ABCA13: variants seen among roughly 807,000 people sequenced by gnomAD.
The protein encoded by ABCA13 is ATP-binding cassette sub-family A member 13.
Under a neutral mutation model 478.7 loss-of-function variants are expected in ABCA13, and 476 were observed. That is an observed-to-expected ratio of 0.99 (90% confidence interval 0.92 to 1.07). ABCA13 has a LOEUF of 1.07. ABCA13 is among the 50% of genes least tolerant of loss of function. ABCA13 has a pLI of 0.00. For missense variants in ABCA13, 6,060 were observed against 5,910.6 expected (o/e 1.03, Z -0.83); for synonymous variants, 2,252 against 2,158.9 (o/e 1.04, Z -1.20).
chr7:48,295,290 C>G (rs1339529744), intron 20 of ABCA13, among the ~76,000 whole-genome samples: 2 of 152,226 alleles, frequency 1.3e-5, no homozygotes, highest in Non-Finnish European at 2.9e-5. Flanking sequence ...TGAAATTGAG[C>G]ACCTTTTCTT....
At chr7:48,555,771 T>G (rs1195931777) in intron 55 of ABCA13, among the ~76,000 whole-genome samples, 1 of 151,760 alleles carries the variant, frequency 6.6e-6, no homozygotes, top group Non-Finnish European at 1.5e-5. Context: ...AAATTTTTAT[T>G]TTATTGATCG....
chr7:48,542,758 T>G (rs1012891277), intron 55 of ABCA13, among the ~76,000 whole-genome samples: 10 of 151,716 alleles, frequency 6.6e-5, no homozygotes, highest in African/African-American at 1.9e-4. Context: ...CTAGCAAGTT[T>G]TATAGATTTA....
Position 48,276,369 on chromosome 7 carries a change from A to G in ABCA13, c.6703A>G (p.Met2235Val). Reference sequence around the variant, plus strand: ...CTTAAATGATACTGACCTTCAAATAATGAATTTCATTAACCTTATCTTGAA... The same window carrying G: ...CTTAAATGATACTGACCTTCAAATAGTGAATTTCATTAACCTTATCTTGAA... ...WNLNDTDLQI[M>V]NFINLILNHM... The change falls in exon 17 of 62, where the codon ATG becomes GTG. Residue 2235 changes from methionine to valine, a missense_variant. Physicochemically the swap from Met to Val is conservative, Grantham distance 21 (BLOSUM62 1). Around this residue, in one of 3 missense-constraint regions of ABCA13, gnomAD observed 4,423 missense variants for 4,309.1 expected, o/e 1.03. Coordinates refer to ENST00000435803, the MANE Select transcript of ABCA13 (RefSeq NM_152701.5). 1 of 1,547,748 alleles carries G rather than the reference A, an allele frequency of 6.5e-7. No homozygotes were observed.
chr7:48,208,513 A>AT (rs371898497), intron 3 of ABCA13, among the ~76,000 whole-genome samples: 9 of 151,486 alleles, frequency 5.9e-5, no homozygotes, highest in African/African-American at 1.7e-4. Context: ...CATTGCAAGG[A>AT]TTTTTTGCTT....
chr7:48,432,523 T>C (rs1419727786), intron 42 of ABCA13, among the ~76,000 whole-genome samples: 2 of 152,282 alleles, frequency 1.3e-5, no homozygotes, highest in East Asian at 3.9e-4. Flanking sequence ...TACACTCTAA[T>C]GTTTATTGCA....
intron 31 of ABCA13, among the ~76,000 whole-genome samples, chr7:48,356,363 T>A (rs1809915550): frequency 1.3e-5 from 2 of 151,444 alleles, no homozygotes; most frequent in African/African-American, 2.4e-5. Flanking sequence ...GGAGGTGACT[T>A]CTTCTTCTTC....
intron 31 of ABCA13, 139 bp downstream of exon 31, chr7:48,352,626 A>G: frequency 1.0e-6 from 1 of 986,304 alleles, no homozygotes; most frequent in Non-Finnish European, 1.4e-6. Flanking sequence ...TTAATTTCGT[A>G]AGGTTCATTT....
At chr7:48,542,572 A>G (rs1834011327) in intron 55 of ABCA13, among the ~76,000 whole-genome samples, 1 of 151,778 alleles carries the variant, frequency 6.6e-6, no homozygotes, top group South Asian at 2.1e-4. Context: ...TATAATATGA[A>G]AAACAATTAC....
intron 39 of ABCA13, among the ~76,000 whole-genome samples, chr7:48,406,782 A>G (rs1233766657): frequency 1.3e-5 from 2 of 152,194 alleles, no homozygotes; most frequent in East Asian, 1.9e-4. Flanking sequence ...CTGAGGCAGG[A>G]GAATCACTTG....
chr7:48,315,063 G>C (rs979486609), intron 26 of ABCA13, among the ~76,000 whole-genome samples: 1 of 152,172 alleles, frequency 6.6e-6, no homozygotes, highest in Non-Finnish European at 1.5e-5. Flanking sequence ...TCCATCAGTT[G>C]TGCATTTTTG....
chr7:48,341,869 A>ATATCTTTCTGATATATATATC lies in ABCA13; in HGVS notation c.10204+3434_10204+3435insCTATCTTTCTGATATATATAT, dbSNP rs1339773058. ...ATATATCTTTCTGATATATATATATATATCTTTCTGATATATATATATATA... is the reference window on the plus strand; with the variant it reads ...ATATATCTTTCTGATATATATATATATATCTTTCTGATATATATATCTATCTTTCTGATATATATATATATA... On this transcript the variant is annotated intron_variant, in intron 29 of 61. Transcript: ENST00000435803. Among the ~76,000 whole-genome samples the ATATCTTTCTGATATATATATC allele has an allele frequency of 2.8e-4, 39 of 141,072 alleles. 4 individuals are homozygous for ATATCTTTCTGATATATATATC. The highest frequency in any genetic ancestry group is 8.2e-4 in the African/African-American group (32 of 38,926). 92.5% of individuals were successfully genotyped at this position (141,072 alleles called of 152,430 possible).
intron 3 of ABCA13, among the ~76,000 whole-genome samples, chr7:48,204,058 C>T (rs1163957187): frequency 1.3e-5 from 2 of 152,020 alleles, no homozygotes; most frequent in African/African-American, 4.8e-5. Flanking sequence ...TTGATTATCA[C>T]CTGCTGCTGC....
Position 48,272,339 on chromosome 7 carries a change from T to C in ABCA13, c.2673T>C (p.Phe891=). ...AATCACCAGCTATGAACATAGATTTTGTACGTTTAAGTGAGGCTATAATAA... is the reference window on the plus strand; with the variant it reads ...AATCACCAGCTATGAACATAGATTTCGTACGTTTAAGTGAGGCTATAATAA... ...WPKSPAMNID[F]VRLSEAIITS... The change falls in exon 17 of 62, where the codon TTT becomes TTC. Residue 891 remains phenylalanine, a synonymous_variant. Coordinates refer to ENST00000435803, the MANE Select transcript of ABCA13 (RefSeq NM_152701.5). The C allele has an allele frequency of 6.2e-7, 1 of 1,613,796 alleles. No individual in the cohort carries two copies. The highest frequency in any genetic ancestry group is 8.5e-7 in the Non-Finnish European group (1 of 1,179,760).
intron 40 of ABCA13, among the ~76,000 whole-genome samples, chr7:48,411,028 TTTC>T (rs1819014910): frequency 8.5e-6 from 1 of 117,426 alleles, no homozygotes; most frequent in African/African-American, 3.2e-5. Flanking sequence ...TCTTTCTTTC[TTTC>T]TTTCTTTCTT....
intron 55 of ABCA13, among the ~76,000 whole-genome samples, chr7:48,554,164 A>T (rs1785565228): frequency 2.0e-5 from 3 of 151,876 alleles, no homozygotes; most frequent in Admixed American, 6.6e-5. Flanking sequence ...TGGGATTTCT[A>T]TTCTGTCGCA....
At chr7:48,277,183 GCTGAGTAAGT>G (rs1796408489) in intron 17 of ABCA13, among the ~76,000 whole-genome samples, 1 of 152,166 alleles carries the variant, frequency 6.6e-6, no homozygotes, top group East Asian at 1.9e-4. Flanking sequence ...TTGGGGGCTG[GCTGAGTAAGT>G]CTGCAATCAG....
chr7:48,544,342 T>G (rs1442938699), intron 55 of ABCA13, among the ~76,000 whole-genome samples: 1 of 151,782 alleles, frequency 6.6e-6, no homozygotes, highest in Non-Finnish European at 1.5e-5. Flanking sequence ...GCTAATGATT[T>G]ATGGCGCTGG....
intron 59 of ABCA13, among the ~76,000 whole-genome samples, chr7:48,635,923 A>T (rs1251379853): frequency 6.6e-6 from 1 of 152,214 alleles, no homozygotes; most frequent in Admixed American, 6.5e-5. Flanking sequence ...AGTTTTCAGC[A>T]GTCTTACTGG....
Position 48,638,537 on chromosome 7 carries a change from G to A in ABCA13, c.14838-4751G>A, listed in dbSNP as rs6969077. On this transcript the variant is annotated intron_variant, in intron 59 of 61. Transcript: ENST00000435803. ...CACTGTTTTGTTGTTGTTGTTATTTGTCAAAGGCTCTCTTTATGTTAATAC... is the reference window on the plus strand; with the variant it reads ...CACTGTTTTGTTGTTGTTGTTATTTATCAAAGGCTCTCTTTATGTTAATAC... 7.1e-3 allele frequency among the ~76,000 whole-genome samples: 1,078 copies of A among 152,256 alleles called. 13 individuals carry two copies. The highest frequency in any genetic ancestry group is 0.024 in the African/African-American group (997 of 41,556).
Sources: gnomAD v4.1 joint callset for allele counts (sites outside exome capture counted in the v4.1 genomes callset) on GRCh38, gnomAD v4.1.1 for gene constraint, gnomAD v4.1.1 regional missense constraint, MANE v1.5 for transcripts, NCBI Gene and HGNC (gene_info 2026-07-23, HGNC 2026-07-21) for gene names.